Variants in KSR2 observed in about 807,000 individuals in gnomAD.
The protein encoded by KSR2 is kinase suppressor of ras 2.
In KSR2, 25 loss-of-function variants were observed where a neutral mutation model predicts 107.8. That is an observed-to-expected ratio of 0.23 (90% CI 0.17 to 0.32). KSR2 has a LOEUF of 0.32. Among genes scored for constraint, KSR2 ranks in the 10% least tolerant of loss-of-function variants. The pLI, the probability that KSR2 is intolerant of heterozygous loss-of-function variation, is 1.00. For missense variants in KSR2, 887 were observed against 1,268.9 expected (o/e 0.70, Z 4.57); for synonymous variants, 480 against 507.0 (o/e 0.95, Z 0.71).
At chr12:117,723,615 C>A (rs765771195) in intron 4 of KSR2, among the ~76,000 whole-genome samples, 1 of 151,554 alleles carries the variant, frequency 6.6e-6, no homozygotes, top group African/African-American at 2.4e-5. Context: ...AATAAAAGCT[C>A]AAAAAATGCA....
At chr12:117,771,066 A>G (rs1889435322) in intron 3 of KSR2, among the ~76,000 whole-genome samples, 1 of 152,180 alleles carries the variant, frequency 6.6e-6, no homozygotes, top group Non-Finnish European at 1.5e-5. Context: ...CATCCTGTGA[A>G]ATAGATGCTT....
At chr12:117,727,366 C>T (rs1276506041) in intron 4 of KSR2, among the ~76,000 whole-genome samples, 11 of 150,338 alleles carry the variant, frequency 7.3e-5, no homozygotes, top group Non-Finnish European at 1.5e-5. Flanking sequence ...CAGAACCAGA[C>T]CCTGTGAAGA....
At chr12:117,512,628 A>G (rs1360789262) in intron 14 of KSR2, among the ~76,000 whole-genome samples, 1 of 152,144 alleles carries the variant, frequency 6.6e-6, no homozygotes, top group African/African-American at 2.4e-5. Flanking sequence ...ATGCTTTCTA[A>G]TACCACCCAG....
intron 7 of KSR2, among the ~76,000 whole-genome samples, chr12:117,568,453 G>A (rs1448682328): frequency 2.0e-5 from 3 of 152,200 alleles, no homozygotes; most frequent in African/African-American, 7.2e-5. Context: ...CCGGCCTGCT[G>A]TGTAGCCAGC....
chr12:117,884,075 A>G (rs1894105803), intron 1 of KSR2, among the ~76,000 whole-genome samples: 1 of 152,106 alleles, frequency 6.6e-6, no homozygotes. Context: ...CAACCTAGTG[A>G]GAAATGGGTC....
chr12:117,502,196 T>A (rs1873418296), intron 14 of KSR2, among the ~76,000 whole-genome samples: 1 of 152,268 alleles, frequency 6.6e-6, no homozygotes, highest in African/African-American at 2.4e-5. Flanking sequence ...CATAAAGACA[T>A]GTCAATGCAT....
At chr12:117,606,427 T>C (rs1171476059) in intron 5 of KSR2, among the ~76,000 whole-genome samples, 28 of 75,024 alleles carry the variant, frequency 3.7e-4, no homozygotes, top group African/African-American at 1.4e-3. Flanking sequence ...CTCCCCTCCT[T>C]CCTCCCTCCC....
chr12:117,668,655 CA>C (rs1408291233), intron 4 of KSR2, among the ~76,000 whole-genome samples: 1 of 152,156 alleles, frequency 6.6e-6, no homozygotes, highest in Admixed American at 6.5e-5. Context: ...CTCTTGCCTA[CA>C]AAAGAGTCCT....
chr12:117,821,986 C>T (rs1312932572), intron 3 of KSR2, among the ~76,000 whole-genome samples: 1 of 152,160 alleles, frequency 6.6e-6, no homozygotes, highest in Non-Finnish European at 1.5e-5. Context: ...AAAGATCTTC[C>T]TGATAAAACA....
chr12:117,900,201 C>T (rs948219720), intron 1 of KSR2, among the ~76,000 whole-genome samples: 1 of 152,126 alleles, frequency 6.6e-6, no homozygotes, highest in Non-Finnish European at 1.5e-5. Context: ...AATACAGAGG[C>T]CCTTGACTAC....
intron 3 of KSR2, among the ~76,000 whole-genome samples, chr12:117,794,788 C>T (rs1177438777): frequency 2.0e-5 from 3 of 152,162 alleles, no homozygotes; most frequent in African/African-American, 7.2e-5. Context: ...AGAATAGTCA[C>T]TTTAAATAGG....
At chr12:117,605,578 G>T (rs1881181922) in intron 5 of KSR2, among the ~76,000 whole-genome samples, 1 of 152,060 alleles carries the variant, frequency 6.6e-6, no homozygotes, top group African/African-American at 2.4e-5. Flanking sequence ...CCCAGTATGT[G>T]TTGTTCCCCT....
In KSR2 at chr12:117,497,427, ACT is replaced by A. The variant is rs200322181; in HGVS notation, c.2220-11738_2220-11737del. On this transcript the variant is annotated intron_variant, in intron 14 of 19. Transcript: ENST00000339824. ...TACATTGTGTTCTTTCAAGGCAAAG[ACT>A]CTTCATTAACTTGTGACAACTTCTA... Among the ~76,000 whole-genome samples the A allele has an allele frequency of 4.0e-3, 608 of 151,940 alleles. 3 individuals carry two copies. Among genetic ancestry groups the A allele is most frequent in the African/African-American group, 0.014 (579 of 41,440 alleles).
intron 5 of KSR2, among the ~76,000 whole-genome samples, chr12:117,619,778 T>C (rs1882084588): frequency 6.6e-6 from 1 of 151,896 alleles, no homozygotes; most frequent in Admixed American, 6.6e-5. Flanking sequence ...ATTGATACTT[T>C]TTATAAAGAC....
chr12:117,944,851 C>G (rs1896128174), intron 1 of KSR2, among the ~76,000 whole-genome samples: 1 of 151,844 alleles, frequency 6.6e-6, no homozygotes, highest in Admixed American at 6.6e-5. Context: ...GAGTGAGACC[C>G]TGTTTCAAAA....
chr12:117,731,839 T>G (rs947073753), intron 4 of KSR2, among the ~76,000 whole-genome samples: 3 of 147,268 alleles, frequency 2.0e-5, no homozygotes, highest in African/African-American at 7.4e-5. Context: ...GAAGGCAGCA[T>G]GCTCCTTAAG....
At chr12:117,641,308 G>A (rs12320140) in intron 5 of KSR2, among the ~76,000 whole-genome samples, 23,649 of 152,114 alleles carry the variant, frequency 0.16, 1,929 homozygotes, top group Middle Eastern at 0.22. Context: ...TGTTGGTCAG[G>A]CCGGTCTCGA....
At chr12:117,639,629 G>GTAT (rs5801245) in intron 5 of KSR2, among the ~76,000 whole-genome samples, 9,007 of 137,790 alleles carry the variant, frequency 0.065, 493 homozygotes, top group East Asian at 0.18. Context: ...CGCACCCAGC[G>GTAT]TATTATTATT....
chr12:117,719,598 C>T (rs1887128649), intron 4 of KSR2, among the ~76,000 whole-genome samples: 1 of 152,210 alleles, frequency 6.6e-6, no homozygotes, highest in Non-Finnish European at 1.5e-5. Flanking sequence ...CCCCACTCCC[C>T]ACCATTCCCT....
Sources: allele counts gnomAD v4.1 joint callset (sites outside exome capture counted in the v4.1 genomes callset), GRCh38; gene constraint gnomAD v4.1.1; transcripts MANE v1.5; gene names NCBI Gene and HGNC (gene_info 2026-07-23, HGNC 2026-07-21).